The following STOML3 variants were observed in gnomAD, a reference collection of about 807,000 sequenced individuals.
The protein encoded by STOML3 is stomatin-like protein 3.
STOML3 carries 31 observed loss-of-function variants against 29.5 expected under a neutral mutation model. The observed-to-expected ratio is 1.05, with a 90% CI of 0.79 to 1.42. STOML3 has a LOEUF of 1.42. STOML3 is among the 40% of genes most tolerant of loss of function. STOML3 has a pLI of 0.00. For synonymous variants in STOML3, 122 were observed against 139.8 expected (o/e 0.87, Z 0.90); for missense variants, 380 against 363.0 (o/e 1.05, Z -0.38).
Position 38,970,225 on chromosome 13 carries a change from T to C in STOML3, c.476A>G (p.Gln159Arg). 1 of 1,614,030 alleles carries C rather than the reference T, an allele frequency of 6.2e-7. No individual in the cohort carries two copies. The highest frequency in any genetic ancestry group is 8.5e-7 in the Non-Finnish European group (1 of 1,179,938). The change falls in exon 5 of 7, where the codon CAG becomes CGG. Residue 159 changes from glutamine (Q) to arginine (R), a missense_variant. Physicochemically the swap from Gln to Arg is conservative, Grantham distance 43. Coordinates refer to ENST00000379631, the MANE Select transcript of STOML3 (RefSeq NM_145286.3). Reference sequence around the variant, plus strand: ...GATCTCTTCTCGTCCAGCTAAGATCTGGGACAAGGTCTGTGTCCCTAAGAC... The same window carrying C: ...GATCTCTTCTCGTCCAGCTAAGATCCGGGACAAGGTCTGTGTCCCTAAGAC... ...RNVLGTQTLS[Q>R]ILAGREEIAH...
At chr13:38,973,591 A>T (rs1880970730) in intron 3 of STOML3, among the ~76,000 whole-genome samples, 1 of 152,060 alleles carries the variant, frequency 6.6e-6, no homozygotes, top group African/African-American at 2.4e-5. Flanking sequence ...TTATGATCTA[A>T]TTACCTCCCA....
chr13:38,970,210 C>T lies in STOML3; in HGVS notation c.491G>A (p.Arg164Gln), dbSNP rs747314352. 2.4e-5 allele frequency: 38 copies of T among 1,613,574 alleles called. No homozygotes were observed. In the South Asian group the frequency reaches 3.1e-4, roughly 13 times the overall value. ...CTGGATGCTATGGGCGATCTCTTCT[C>T]GTCCAGCTAAGATCTGGGACAAGGT... is the stretch of plus-strand genomic sequence containing the variant. ...TQTLSQILAG[R>Q]EEIAHSIQTL... The change falls in exon 5 of 7, where the codon CGA (arginine) becomes CAA (glutamine). Residue 164 changes from arginine (R) to glutamine (Q), a missense_variant. Physicochemically the swap from Arg to Gln is conservative, Grantham distance 43. Transcript: ENST00000379631.
intron 1 of STOML3, among the ~76,000 whole-genome samples, chr13:38,977,416 T>C (rs117104411): frequency 0.013 from 1,986 of 152,324 alleles, 14 homozygotes; most frequent in South Asian, 0.024. Context: ...GAGGATTAAA[T>C]AAGATTACTT....
At chr13:38,978,052 G>A (rs1158683835) in intron 1 of STOML3, among the ~76,000 whole-genome samples, 2 of 151,726 alleles carry the variant, frequency 1.3e-5, no homozygotes, top group African/African-American at 4.8e-5. Context: ...GAGCCACCGC[G>A]CCCGGCCAGG....
chr13:38,988,305 T>C (rs1868750543), intron 1 of STOML3, among the ~76,000 whole-genome samples: 2 of 79,932 alleles, frequency 2.5e-5, no homozygotes. Context: ...TATCATATAT[T>C]TTATATATAA....
rs1219360947 is a variant in STOML3 at position 38,968,420 on chromosome 13, T to G, written c.631A>C (p.Thr211Pro). The change falls in exon 6 of 7, where the codon ACC becomes CCC. Residue 211 changes from threonine (T) to proline (P), a missense_variant. Physicochemically the swap from Thr to Pro is conservative, Grantham distance 38. Transcript: ENST00000379631. ...QRSMAAEAEA[T>P]REARAKVLAA... ...CTTACCTTGGCTCTCGCTTCCCGGG[T>G]GGCCTCAGCCTCGGCTGCCATGGAT... 1 of 1,613,892 alleles carries G rather than the reference T, an allele frequency of 6.2e-7. No individual in the cohort carries two copies. Among genetic ancestry groups the G allele is most frequent in the African/African-American group, 1.3e-5 (1 of 74,900 alleles).
chr13:38,971,089 G>A (rs1880848925), intron 4 of STOML3, among the ~76,000 whole-genome samples: 1 of 151,944 alleles, frequency 6.6e-6, no homozygotes, highest in African/African-American at 2.4e-5. Flanking sequence ...CTGGACTGCA[G>A]TGGCGCAATC....
At chr13:38,971,331 C>G (rs949756450) in intron 4 of STOML3, among the ~76,000 whole-genome samples, 7 of 152,138 alleles carry the variant, frequency 4.6e-5, no homozygotes, top group Non-Finnish European at 1.0e-4. Context: ...CCATGTCTGA[C>G]CTGGGGCTGA....
chr13:38,983,181 C>T (rs564745994), intron 1 of STOML3, among the ~76,000 whole-genome samples: 5 of 152,250 alleles, frequency 3.3e-5, no homozygotes, highest in Non-Finnish European at 7.4e-5. Context: ...TCATTTTTGT[C>T]ACGTCATAAA....
At chr13:38,979,403 C>T (rs61945554) in intron 1 of STOML3, among the ~76,000 whole-genome samples, 134 of 152,316 alleles carry the variant, frequency 8.8e-4, no homozygotes, top group Non-Finnish European at 1.6e-3. Flanking sequence ...TCCTCAGTCC[C>T]ACTTTTATCT....
chr13:38,983,033 T>C (rs1468780565), intron 1 of STOML3, among the ~76,000 whole-genome samples: 1 of 152,162 alleles, frequency 6.6e-6, no homozygotes, highest in Non-Finnish European at 1.5e-5. Context: ...TTTTCCCCTA[T>C]CCCTCTGTTA....
intron 6 of STOML3, 36 bp downstream of exon 6, chr13:38,968,364 A>G: frequency 6.2e-7 from 1 of 1,606,854 alleles, no homozygotes; most frequent in Non-Finnish European, 8.5e-7. Context: ...AACACTAGGC[A>G]GTTCTCCCTC....
At chr13:38,988,262 TCATATATTATATATAA>T in intron 1 of STOML3, among the ~76,000 whole-genome samples, 1 of 88,246 alleles carries the variant, frequency 1.1e-5, no homozygotes, top group African/African-American at 5.6e-5. Context: ...ATATTTTATA[TCATATATTATATATAA>T]AATATATTAT....
chr13:38,971,824 C>T (rs946838030), intron 4 of STOML3, among the ~76,000 whole-genome samples: 2 of 152,116 alleles, frequency 1.3e-5, no homozygotes, highest in African/African-American at 2.4e-5. Context: ...ACTTGGGAGG[C>T]TGAGGCAGGA....
At chr13:38,986,336 A>G (rs1464567656) in intron 1 of STOML3, among the ~76,000 whole-genome samples, 1 of 152,008 alleles carries the variant, frequency 6.6e-6, no homozygotes, top group Admixed American at 6.6e-5. Context: ...TACCTAGCCT[A>G]TATTTACCAT....
At chr13:38,972,392 GC>G in intron 4 of STOML3, 119 bp downstream of exon 4, 2 of 912,412 alleles carry the variant, frequency 2.2e-6, no homozygotes, top group Non-Finnish European at 3.3e-6. Context: ...GCAGGTCTCT[GC>G]GGGTACTCAG....
intron 1 of STOML3, among the ~76,000 whole-genome samples, chr13:38,989,495 T>TCTTC (rs753156616): frequency 2.0e-5 from 3 of 151,744 alleles, no homozygotes; most frequent in Admixed American, 6.6e-5. Context: ...CTTTTTTCTT[T>TCTTC]CTTTATTCCA....
At chr13:38,968,571 A>G in intron 5 of STOML3, 37 bp from the exon 6 acceptor site, 1 of 1,611,538 alleles carries the variant, frequency 6.2e-7, no homozygotes, top group Middle Eastern at 1.7e-4. Flanking sequence ...AATAAGAAAG[A>G]CAGGTGATAT....
intron 5 of STOML3, 116 bp downstream of exon 5, chr13:38,970,069 A>C: frequency 1.2e-6 from 1 of 858,690 alleles, no homozygotes; most frequent in Non-Finnish European, 1.8e-6. Context: ...TCTGTGTGTG[A>C]GTGTGTGCAA....
Sources: allele counts gnomAD v4.1 joint callset (sites outside exome capture counted in the v4.1 genomes callset), GRCh38; gene constraint gnomAD v4.1.1; transcripts MANE v1.5; gene names NCBI Gene and HGNC (gene_info 2026-07-23, HGNC 2026-07-21).